The following XKR9 variants were observed in gnomAD, a reference collection of about 807,000 sequenced individuals.
XKR9 encodes XK related 9.
Under a neutral mutation model 32.0 loss-of-function variants are expected in XKR9, and 32 were observed. The observed-to-expected ratio is 1.00, with a 90% CI of 0.76 to 1.34. The LOEUF is 1.34. Among genes scored for constraint, XKR9 ranks in the 40% most tolerant of loss-of-function variants. The pLI, the probability that XKR9 is intolerant of heterozygous loss-of-function variation, is 0.00. For missense variants in XKR9, 546 were observed against 429.7 expected (o/e 1.27, Z -2.39); for synonymous variants, 168 against 143.4 (o/e 1.17, Z -1.22).
At chr8:70,976,891 T>C in the XKR9 span, among the ~76,000 whole-genome samples, 1 of 152,220 alleles carries the variant, frequency 6.6e-6, no homozygotes, top group African/African-American at 2.4e-5. Context: ...TGCCTCAATT[T>C]CAGAGCCTGT....
intron 2 of XKR9, among the ~76,000 whole-genome samples, chr8:70,772,538 ACTAG>A (rs1367065603): frequency 1.3e-5 from 2 of 152,180 alleles, no homozygotes; most frequent in Non-Finnish European, 1.5e-5. Flanking sequence ...TATATCTTTC[ACTAG>A]CTAACAAGCC....
At chr8:70,886,397 G>A in the XKR9 span, among the ~76,000 whole-genome samples, 1 of 152,064 alleles carries the variant, frequency 6.6e-6, no homozygotes, top group Non-Finnish European at 1.5e-5. Context: ...ATCTTTGGGT[G>A]TATACCAAAT....
At chr8:71,003,465 A>G in the XKR9 span, among the ~76,000 whole-genome samples, 1 of 151,950 alleles carries the variant, frequency 6.6e-6, no homozygotes, top group Non-Finnish European at 1.5e-5. Flanking sequence ...TTCTTTTTCA[A>G]CCTAAAGATT....
the XKR9 span, among the ~76,000 whole-genome samples, chr8:70,928,572 A>G: frequency 1.3e-5 from 2 of 152,166 alleles, no homozygotes; most frequent in African/African-American, 4.8e-5. Flanking sequence ...TATATGGCCT[A>G]GCCCATATAC....
chr8:71,043,340 G>A, the XKR9 span, among the ~76,000 whole-genome samples: 1 of 152,186 alleles, frequency 6.6e-6, no homozygotes, highest in Non-Finnish European at 1.5e-5. Flanking sequence ...GGCAGAATAG[G>A]CATGCTTGAA....
downstream of XKR9, among the ~76,000 whole-genome samples, chr8:70,736,319 G>GT (rs36134719): frequency 0.33 from 49,592 of 150,716 alleles, 9,282 homozygotes; most frequent in Non-Finnish European, 0.43. Context: ...GGGGTTGTTT[G>GT]TTTTTTCTTG....
At chr8:70,812,663 G>C in the XKR9 span, among the ~76,000 whole-genome samples, 2 of 152,130 alleles carry the variant, frequency 1.3e-5, no homozygotes, top group Admixed American at 6.5e-5. Context: ...CAAACAGAGA[G>C]CCAAATCATG....
At chr8:70,981,571 G>A in the XKR9 span, among the ~76,000 whole-genome samples, 4 of 151,998 alleles carry the variant, frequency 2.6e-5, no homozygotes, top group Non-Finnish European at 4.4e-5. Flanking sequence ...ATTTCTTTAA[G>A]TTGAACTTTA....
At chr8:70,776,362 A>G (rs1319439386) in intron 2 of XKR9, among the ~76,000 whole-genome samples, 2 of 152,156 alleles carry the variant, frequency 1.3e-5, no homozygotes, top group East Asian at 3.8e-4. Context: ...AATTTAAATA[A>G]TAGTACCTTT....
the XKR9 span, among the ~76,000 whole-genome samples, chr8:70,944,180 G>A: frequency 3.1e-4 from 47 of 152,140 alleles, no homozygotes; most frequent in African/African-American, 9.6e-4. Context: ...AGAGAGCTGC[G>A]CCCAAACCAG....
At chr8:70,958,197 A>G in the XKR9 span, among the ~76,000 whole-genome samples, 12 of 152,304 alleles carry the variant, frequency 7.9e-5, no homozygotes, top group East Asian at 2.3e-3. Context: ...AATGATTTCT[A>G]TTCCTTTGAG....
At chr8:70,770,568 G>A (rs1586891584) in intron 2 of XKR9, among the ~76,000 whole-genome samples, 1 of 152,134 alleles carries the variant, frequency 6.6e-6, no homozygotes, top group African/African-American at 2.4e-5. Context: ...TTATCTGTAA[G>A]CCCCTGACTG....
the XKR9 span, among the ~76,000 whole-genome samples, chr8:71,010,280 T>C: frequency 2.6e-5 from 4 of 152,198 alleles, no homozygotes; most frequent in African/African-American, 9.7e-5. Flanking sequence ...CTCCACTGCT[T>C]CACCTGAGCA....
chr8:70,882,167 G>A, the XKR9 span, among the ~76,000 whole-genome samples: 2 of 152,104 alleles, frequency 1.3e-5, no homozygotes, highest in Admixed American at 6.6e-5. Flanking sequence ...TGTAAATGAT[G>A]AGTTGATGGG....
At chr8:70,868,648 G>T in the XKR9 span, among the ~76,000 whole-genome samples, 2 of 152,030 alleles carry the variant, frequency 1.3e-5, no homozygotes, top group African/African-American at 4.8e-5. Context: ...TGATGGGAGG[G>T]GCTACCGTGA....
chr8:71,032,489 A>G, the XKR9 span, among the ~76,000 whole-genome samples: 1 of 152,046 alleles, frequency 6.6e-6, no homozygotes, highest in Non-Finnish European at 1.5e-5. Flanking sequence ...GCTGCAGCAA[A>G]CAGAAGGAAA....
chr8:70,810,462 G>A, the XKR9 span, among the ~76,000 whole-genome samples: 1 of 152,084 alleles, frequency 6.6e-6, no homozygotes, highest in Non-Finnish European at 1.5e-5. Flanking sequence ...AATGTAAATG[G>A]GCGAAATGCT....
the XKR9 span, among the ~76,000 whole-genome samples, chr8:71,006,323 AT>A: frequency 2.6e-5 from 3 of 114,504 alleles, no homozygotes; most frequent in Non-Finnish European, 6.1e-5. Context: ...ACATTACGAT[AT>A]TTAAAAAAGA....
At chr8:70,756,065 T>C (rs546133511) in intron 2 of XKR9, among the ~76,000 whole-genome samples, 24 of 152,306 alleles carry the variant, frequency 1.6e-4, no homozygotes, top group Non-Finnish European at 2.9e-4. Flanking sequence ...GATAAGTGTT[T>C]ATTCTTTATT....
Sources: allele counts gnomAD v4.1 joint callset (sites outside exome capture counted in the v4.1 genomes callset), GRCh38; gene constraint gnomAD v4.1.1; transcripts MANE v1.5; gene names NCBI Gene and HGNC (gene_info 2026-07-23, HGNC 2026-07-21).